CERT1: variants seen among roughly 807,000 people sequenced by gnomAD.
CERT1 encodes ceramide transfer protein.
In CERT1, 31 loss-of-function variants were observed where a neutral mutation model predicts 87.9. The observed-to-expected ratio is 0.35, with a 90% CI of 0.27 to 0.48. The LOEUF is 0.48. CERT1 is among the 20% of genes least tolerant of loss of function. The probability of loss-of-function intolerance (pLI) is 0.99; values close to 1 mark genes in which losing one functional copy is unlikely to be tolerated. For synonymous variants in CERT1, 289 were observed against 250.9 expected, an observed-to-expected ratio of 1.15 and a Z score of -1.44; for missense variants, 487 against 758.0, an observed-to-expected ratio of 0.64 and a Z score of 4.20.
At chr5:75,421,700 G>A (rs1186844497) in intron 5 of CERT1, among the ~76,000 whole-genome samples, 1 of 152,068 alleles carries the variant, frequency 6.6e-6, no homozygotes, top group Admixed American at 6.6e-5. Flanking sequence ...TAGTCCCCTG[G>A]CATAATCCCA....
chr5:75,434,413 AT>A (rs1764003563), intron 3 of CERT1, among the ~76,000 whole-genome samples: 1 of 151,658 alleles, frequency 6.6e-6, no homozygotes, highest in Non-Finnish European at 1.5e-5. Flanking sequence ...TTTGCTGAGG[AT>A]TTTTGCATCT....
chr5:75,499,795 G>A (rs1026218958), intron 2 of CERT1, among the ~76,000 whole-genome samples: 2 of 152,144 alleles, frequency 1.3e-5, no homozygotes, highest in Non-Finnish European at 2.9e-5. Flanking sequence ...GCCCAGTGAC[G>A]TCATAAAATA....
intron 2 of CERT1, among the ~76,000 whole-genome samples, chr5:75,503,915 A>AAATTAAAAATTT (rs1218241625): frequency 6.6e-6 from 1 of 150,498 alleles, no homozygotes; most frequent in Non-Finnish European, 1.5e-5. Flanking sequence ...TGTTTAATTT[A>AAATTAAAAATTT]AAATTTTCTT....
intron 8 of CERT1, among the ~76,000 whole-genome samples, chr5:75,405,206 T>C (rs1423645448): frequency 6.6e-6 from 1 of 152,182 alleles, no homozygotes; most frequent in African/African-American, 2.4e-5. Context: ...TCTGCCCCCT[T>C]AGAATAGCAT....
downstream of CERT1, chr5:75,374,427 A>C (rs1218922814): frequency 1.0e-5 from 6 of 578,238 alleles, no homozygotes; most frequent in Admixed American, 2.8e-5. Context: ...AGAAAAAAAA[A>C]CGGGAACAGT....
downstream of CERT1, chr5:75,372,950 T>G (rs2111950254): frequency 1.3e-5 from 2 of 152,344 alleles, no homozygotes; most frequent in South Asian, 2.1e-4. Context: ...GATTTTGAAG[T>G]GGGCAGTCAT....
chr5:75,511,660 C>T, upstream of CERT1: 5 of 1,516,544 alleles, frequency 3.3e-6, no homozygotes, highest in South Asian at 3.8e-5. Context: ...TTCCCCTCCC[C>T]TTCGTCCTCC....
chr5:75,433,660 A>G (rs934705122), intron 3 of CERT1, among the ~76,000 whole-genome samples: 4 of 152,144 alleles, frequency 2.6e-5, no homozygotes, highest in Non-Finnish European at 5.9e-5. Context: ...AGCTGGGACT[A>G]CAAGTGCATG....
intron 3 of CERT1, among the ~76,000 whole-genome samples, chr5:75,458,259 C>A (rs1392030644): frequency 6.6e-6 from 1 of 151,938 alleles, no homozygotes; most frequent in Non-Finnish European, 1.5e-5. Flanking sequence ...TATGAATGTA[C>A]CTTATATATT....
intron 2 of CERT1, among the ~76,000 whole-genome samples, chr5:75,477,483 A>G (rs74988631): frequency 0.046 from 6,975 of 151,890 alleles, 209 homozygotes; most frequent in South Asian, 0.074. Context: ...TACTACCAAA[A>G]TCTCCTCTGG....
At chr5:75,437,308 C>T (rs1764138416) in intron 3 of CERT1, among the ~76,000 whole-genome samples, 1 of 152,146 alleles carries the variant, frequency 6.6e-6, no homozygotes, top group Admixed American at 6.5e-5. Flanking sequence ...ACAACAAAGA[C>T]ATGATAAAAC....
chr5:75,417,116 AT>A, intron 6 of CERT1, 83 bp from the exon 7 acceptor site: 1 of 1,151,140 alleles, frequency 8.7e-7, no homozygotes, highest in African/African-American at 1.6e-5. Context: ...TGTTTAGAAA[AT>A]TAGCAAGTCA....
chr5:75,500,722 C>G (rs1319037391), intron 2 of CERT1, among the ~76,000 whole-genome samples: 1 of 152,140 alleles, frequency 6.6e-6, no homozygotes. Context: ...CATAGAAAAA[C>G]TGCACACTTG....
chr5:75,410,852 G>A, intron 8 of CERT1, 159 bp downstream of exon 8: 1 of 429,806 alleles, frequency 2.3e-6, no homozygotes, highest in Non-Finnish European at 4.0e-6. Context: ...AGCATGCCTG[G>A]CATTTATATA....
Position 75,382,072 on chromosome 5 carries a change from C to T in CERT1, c.1494G>A (p.Val498=). ...ATACGTCTCGCTGAGAAGCAGGCCA[C>T]ACCCTCTGTGGAGAAGTAAAAATCT... ...AIIIYQTHKR[V]WPASQRDVLY... is the part of the protein sequence containing the mutation. Residue 498 remains valine, a synonymous_variant, in exon 15 of 17, where the codon GTG becomes GTA. Transcript: ENST00000643780. 1.2e-6 allele frequency: 2 copies of T among 1,613,604 alleles called. No homozygotes were observed. The highest frequency in any genetic ancestry group is 1.1e-5 in the South Asian group (1 of 91,038).
chr5:75,404,104 C>T (rs1580722977), intron 8 of CERT1, among the ~76,000 whole-genome samples: 1 of 151,984 alleles, frequency 6.6e-6, no homozygotes, highest in Admixed American at 6.5e-5. Context: ...ACTCATAACC[C>T]CAAGTCATCA....
intron 2 of CERT1, among the ~76,000 whole-genome samples, chr5:75,471,754 C>CAAAAACA (rs1346125656): frequency 2.0e-5 from 1 of 50,806 alleles, no homozygotes; most frequent in Non-Finnish European, 4.6e-5. Flanking sequence ...GACTTCATCT[C>CAAAAACA]AAAAAAAAAA....
At chr5:75,405,870 AC>A (rs1408983886) in intron 8 of CERT1, among the ~76,000 whole-genome samples, 2 of 15,680 alleles carry the variant, frequency 1.3e-4, no homozygotes, top group Non-Finnish European at 2.2e-4. Flanking sequence ...ATCTGCAGTT[AC>A]TGGGGGGGGG....
At chr5:75,439,620 A>G (rs1225036446) in intron 3 of CERT1, among the ~76,000 whole-genome samples, 3 of 152,056 alleles carry the variant, frequency 2.0e-5, no homozygotes, top group Non-Finnish European at 2.9e-5. Context: ...AGCACAATAA[A>G]GGATTTTTCT....
Sources: allele counts gnomAD v4.1 joint callset (sites outside exome capture counted in the v4.1 genomes callset), GRCh38; gene constraint gnomAD v4.1.1; transcripts MANE v1.5; gene names NCBI Gene and HGNC (gene_info 2026-07-23, HGNC 2026-07-21).